The following KCTD3 variants were observed in gnomAD, a reference collection of about 807,000 sequenced individuals.
The protein encoded by KCTD3 is potassium channel tetramerization domain containing 3.
A neutral mutation model predicts 85.8 loss-of-function variants in KCTD3; 41 were observed. The ratio of observed to expected loss-of-function variants is 0.48; its 90% CI spans 0.37 to 0.62. KCTD3 has a LOEUF of 0.62. KCTD3 is among the 20% of genes least tolerant of loss of function. KCTD3 has a pLI of 0.00. For synonymous variants in KCTD3, 338 were observed against 345.4 expected (o/e 0.98, Z 0.24); for missense variants, 724 against 989.9 (o/e 0.73, Z 3.60).
intron 1 of KCTD3, among the ~76,000 whole-genome samples, chr1:215,571,939 C>A (rs1357445957): frequency 6.6e-6 from 1 of 152,176 alleles, no homozygotes; most frequent in African/African-American, 2.4e-5. Flanking sequence ...CCGAGATAAA[C>A]TTTTAATTGT....
chr1:215,591,076 G>T (rs1185051277), intron 9 of KCTD3, among the ~76,000 whole-genome samples: 1 of 152,032 alleles, frequency 6.6e-6, no homozygotes. Context: ...TTTTTAAGAT[G>T]TTGCTTTTCT....
At chr1:215,589,678 GA>G (rs1660142636) in intron 9 of KCTD3, among the ~76,000 whole-genome samples, 1 of 151,864 alleles carries the variant, frequency 6.6e-6, no homozygotes, top group Admixed American at 6.6e-5. Flanking sequence ...AGAATTTCAT[GA>G]GTAGAATTAT....
intron 2 of KCTD3, 67 bp from the exon 3 acceptor site, chr1:215,574,006 A>G: frequency 8.3e-7 from 1 of 1,204,930 alleles, no homozygotes; most frequent in Non-Finnish European, 1.2e-6. Context: ...AACATTTGGT[A>G]AAGAATTAGC....
chr1:215,573,634 G>C, intron 1 of KCTD3, 152 bp from the exon 2 acceptor site: 1 of 474,540 alleles, frequency 2.1e-6, no homozygotes, highest in Non-Finnish European at 3.8e-6. Context: ...AAGTAGCAAC[G>C]TTTAAAAATA....
chr1:215,614,525 A>T (rs1209335377), intron 15 of KCTD3, among the ~76,000 whole-genome samples: 3 of 152,050 alleles, frequency 2.0e-5, no homozygotes, highest in African/African-American at 7.2e-5. Context: ...TGTCTTAAAG[A>T]TCTTTCACCT....
intron 9 of KCTD3, among the ~76,000 whole-genome samples, chr1:215,594,937 A>T (rs1660358943): frequency 6.6e-6 from 1 of 152,202 alleles, no homozygotes; most frequent in Admixed American, 6.5e-5. Context: ...TAGTTCTTAA[A>T]TATCGGGTCC....
chr1:215,621,765 GTATT>G lies in KCTD3; in HGVS notation c.*1155_*1158del, dbSNP rs1203556335. On this transcript the variant is annotated 3_prime_UTR_variant, in exon 18 of 18. Transcript: ENST00000259154. ...CCAGTGGTTTCACAACAGTTCTCTTGTATTTATTTATCAATTAAATCAAATAAAA... is the reference window on the plus strand; with the variant it reads ...CCAGTGGTTTCACAACAGTTCTCTTGTATTTATCAATTAAATCAAATAAAA... 1.6e-4 allele frequency: 24 copies of G among 152,410 alleles called. No homozygotes were observed. Among genetic ancestry groups the G allele is most frequent in the South Asian group, 1.2e-3 (6 of 4,818 alleles). 9.4% of individuals were successfully genotyped at this position (152,410 alleles called of 1,614,324 possible). A position where few individuals can be genotyped will look rare whatever the true frequency, so the allele number is the denominator to read the frequency against.
At chr1:215,571,739 TCCTGCCTCAGC>T (rs1259245631) in intron 1 of KCTD3, among the ~76,000 whole-genome samples, 1 of 151,978 alleles carries the variant, frequency 6.6e-6, no homozygotes, top group Admixed American at 6.6e-5. Flanking sequence ...CACGCCATTG[TCCTGCCTCAGC>T]CTCCTGAGTA....
chr1:215,611,748 A>C (rs757965414), intron 14 of KCTD3, 77 bp from the exon 15 acceptor site: 4 of 901,106 alleles, frequency 4.4e-6, no homozygotes, highest in Non-Finnish European at 6.9e-6. Flanking sequence ...TCTTATATTA[A>C]TATTAATGTT....
At chr1:215,612,667 A>T (rs1655276423) in intron 15 of KCTD3, among the ~76,000 whole-genome samples, 1 of 152,218 alleles carries the variant, frequency 6.6e-6, no homozygotes, top group African/African-American at 2.4e-5. Flanking sequence ...CTAGCTATGT[A>T]AATACAACTC....
At chr1:215,594,548 C>G (rs752876423) in intron 9 of KCTD3, among the ~76,000 whole-genome samples, 26 of 152,302 alleles carry the variant, frequency 1.7e-4, no homozygotes, top group Admixed American at 6.5e-4. Context: ...GGCTTCTTTT[C>G]TAAGATATAT....
Position 215,620,439 on chromosome 1 carries a change from GGA to G in KCTD3, c.2271_2272del (p.Gly758IlefsTer2). 8.1e-6 allele frequency: 13 copies of G among 1,613,724 alleles called. No homozygotes were observed. Among genetic ancestry groups the G allele is most frequent in the Non-Finnish European group, 1.1e-5 (13 of 1,179,772 alleles). Reference protein sequence around the residue: ...NENKIEFRKKGGFEGGGFLGR... With the variant: ...NENKIEFRKKXGFEGGGFLGR... ...AAATAAAATAGAGTTTAGGAAGAAA[GGA>G]GGATTTGAAGGGGGAGGATTCCTTG... On this transcript the variant is annotated frameshift_variant, in exon 18 of 18. Transcript: ENST00000259154. LOFTEE classifies it high-confidence loss of function.
At position 215,611,881 on chromosome 1, in the gene KCTD3, A is replaced by G; in HGVS notation, c.1522A>G (p.Thr508Ala). 1 of 1,609,444 alleles carries G rather than the reference A, an allele frequency of 6.2e-7. No individual in the cohort carries two copies. The highest frequency in any genetic ancestry group is 8.5e-7 in the Non-Finnish European group (1 of 1,176,666). Residue 508 changes from threonine (T) to alanine (A), a missense_variant, in exon 15 of 18, where the codon ACC (threonine) becomes GCC (alanine). Transcript: ENST00000259154. ...QVFIQKVVPI[T>A]NKLFVRLSST... ...GTTTATCCAGAAAGTTGTTCCCATC[A>G]CCAACAAACTATTTGTAAGACTCTC... is the stretch of plus-strand genomic sequence containing the variant.
At chr1:215,572,633 GT>G (rs1205413405) in intron 1 of KCTD3, among the ~76,000 whole-genome samples, 36 of 152,134 alleles carry the variant, frequency 2.4e-4, no homozygotes, top group African/African-American at 8.7e-4. Flanking sequence ...CAACTTCCAC[GT>G]TTTTGATAAT....
Position 215,575,850 on chromosome 1 carries a change from G to A in KCTD3, c.184-51G>A, listed in dbSNP as rs1027413989. On this transcript the variant is annotated intron_variant, in intron 3 of 17. Coordinates refer to ENST00000259154, the MANE Select transcript of KCTD3 (RefSeq NM_016121.5). ...CCCTATTAGTGTTACAGATATTAAA[G>A]TTAAAAGATTAATTTGTAATTTGAA... 2.9e-6 allele frequency: 3 copies of A among 1,032,022 alleles called. No individual in the cohort carries two copies. The African/African-American group carries it at 5.0e-5, about 17-fold the overall frequency. The allele number at this position is 1,032,022 out of a possible 1,614,324, so 63.9% of individuals were successfully genotyped here. A position where few individuals can be genotyped will look rare whatever the true frequency, so the allele number is the denominator to read the frequency against.
In KCTD3 at chr1:215,575,889, T is replaced by C. The variant is rs1319345791; in HGVS notation, c.184-12T>C. 3 of 1,458,688 alleles carry C rather than the reference T, an allele frequency of 2.1e-6. 1 individual carries two copies. The Admixed American group carries it at 6.4e-5, about 31-fold the overall frequency. The allele number at this position is 1,458,688 out of a possible 1,614,324, so 90.4% of individuals were successfully genotyped here. ...TTGTAATTTGAAAATAAAACTGTTC[T>C]CTTTTTTACAGATATTTATTGATAG... On this transcript the variant is annotated splice_polypyrimidine_tract_variant and intron_variant, in intron 3 of 17. Coordinates refer to ENST00000259154, the MANE Select transcript of KCTD3 (RefSeq NM_016121.5).
intron 8 of KCTD3, among the ~76,000 whole-genome samples, chr1:215,580,702 C>T (rs1659784129): frequency 1.3e-5 from 2 of 152,024 alleles, no homozygotes; most frequent in African/African-American, 4.8e-5. Flanking sequence ...ATTATTATTT[C>T]ATTTAATTGC....
intron 14 of KCTD3, among the ~76,000 whole-genome samples, chr1:215,611,308 T>C (rs1655229189): frequency 1.3e-5 from 2 of 152,002 alleles, no homozygotes; most frequent in East Asian, 3.8e-4. Flanking sequence ...TATAAAATTG[T>C]GTGTGTGTTT....
At chr1:215,599,003 A>C (rs572491952) in intron 10 of KCTD3, among the ~76,000 whole-genome samples, 1 of 152,244 alleles carries the variant, frequency 6.6e-6, no homozygotes, top group Admixed American at 6.5e-5. Context: ...AAGATAAATT[A>C]TGATAAAAAG....
Sources: allele counts gnomAD v4.1 joint callset (sites outside exome capture counted in the v4.1 genomes callset), GRCh38; gene constraint gnomAD v4.1.1; transcripts MANE v1.5; gene names NCBI Gene and HGNC (gene_info 2026-07-23, HGNC 2026-07-21).